PPP2R2B: variants seen among roughly 807,000 people sequenced by gnomAD.
PPP2R2B encodes the protein protein phosphatase 2 regulatory subunit Bbeta, also known as serine/threonine-protein phosphatase 2A 55 kDa regulatory subunit B beta isoform.
PPP2R2B carries 5 observed loss-of-function variants against 46.0 expected under a neutral mutation model. The ratio of observed to expected loss-of-function variants is 0.11; its 90% CI spans 0.06 to 0.23. The LOEUF is 0.23. PPP2R2B is among the 10% of genes least tolerant of loss of function. The pLI, the probability that PPP2R2B is intolerant of heterozygous loss-of-function variation, is 1.00. For synonymous variants in PPP2R2B, 215 were observed against 206.7 expected, an observed-to-expected ratio of 1.04 and a Z score of -0.34; for missense variants, 367 against 575.0, an observed-to-expected ratio of 0.64 and a Z score of 3.70.
chr5:146,649,348 C>T (rs1325464681), intron 6 of PPP2R2B, among the ~76,000 whole-genome samples: 1 of 151,774 alleles, frequency 6.6e-6, no homozygotes, highest in African/African-American at 2.4e-5. Flanking sequence ...CAATAAATGA[C>T]CAATTTTTAC....
chr5:146,949,818 C>A (rs1188429969), intron 1 of PPP2R2B, among the ~76,000 whole-genome samples: 2 of 152,024 alleles, frequency 1.3e-5, no homozygotes, highest in African/African-American at 2.4e-5. Context: ...CAATAAAATA[C>A]TATTCAGCCA....
intron 2 of PPP2R2B, chr5:146,856,537 CTTCA>C (rs1450954807): frequency 1.2e-6 from 2 of 1,612,342 alleles, no homozygotes; most frequent in Non-Finnish European, 1.7e-6. Flanking sequence ...ATAATTCATG[CTTCA>C]TTATTGGGCC....
chr5:146,592,942 A>G (rs753409434), intron 9 of PPP2R2B, 29 bp downstream of exon 9: 1 of 1,564,978 alleles, frequency 6.4e-7, no homozygotes. Context: ...AATCTTTGGA[A>G]GGTTCTTCAG....
Position 146,650,558 on chromosome 5 carries a change from T to C in PPP2R2B, c.614A>G (p.Asn205Ser), listed in dbSNP as rs746684718. The C allele has an allele frequency of 4.3e-6, 7 of 1,612,976 alleles. No homozygotes were observed. Among genetic ancestry groups the C allele is most frequent in the African/African-American group, 1.3e-5 (1 of 74,878 alleles). The change falls in exon 6 of 10, where the codon AAT (asparagine) becomes AGT (serine). Residue 205 changes from asparagine to serine, a missense_variant. Physicochemically the swap from Asn to Ser is conservative, Grantham distance 46 (BLOSUM62 1). Around this residue, in one of 2 missense-constraint regions of PPP2R2B, gnomAD observed 361 missense variants for 545.5 expected, o/e 0.66. Coordinates refer to ENST00000394411, the MANE Select transcript of PPP2R2B (RefSeq NM_181675.4). The part of the protein sequence containing the change: ...RINLWNFEIT[N>S]QSFNIVDIKP... Reference sequence around the variant, plus strand: ...CAAAGAAAGGATACTAAAACTTTGATTGGTTATTTCAAAGTTCCATAGGTT... The same window carrying C: ...CAAAGAAAGGATACTAAAACTTTGACTGGTTATTTCAAAGTTCCATAGGTT...
Position 146,587,327 on chromosome 5 carries a change from C to G in PPP2R2B, c.*2620G>C, listed in dbSNP as rs1031653343. 2.6e-5 allele frequency: 4 copies of G among 152,200 alleles called. No homozygotes were observed. Among genetic ancestry groups the G allele is most frequent in the Non-Finnish European group, 5.9e-5 (4 of 68,066 alleles). 9.4% of individuals were successfully genotyped at this position (152,200 alleles called of 1,614,324 possible). On this transcript the variant is annotated 3_prime_UTR_variant, in exon 10 of 10. Transcript: ENST00000394411. ...TAGGGCTTTCCCCTCCTGTTCCCGTCCAGGAGTCTTGGGTGTTTGCTCTAA... is the reference window on the plus strand; with the variant it reads ...TAGGGCTTTCCCCTCCTGTTCCCGTGCAGGAGTCTTGGGTGTTTGCTCTAA...
intron 2 of PPP2R2B, among the ~76,000 whole-genome samples, chr5:146,709,061 G>C (rs2151179060): frequency 6.6e-6 from 1 of 152,306 alleles, no homozygotes; most frequent in South Asian, 2.1e-4. Flanking sequence ...CGTTCTGTTT[G>C]ATCCAGAATT....
At chr5:147,055,114 A>G (rs945898255) in intron 1 of PPP2R2B, among the ~76,000 whole-genome samples, 1 of 152,238 alleles carries the variant, frequency 6.6e-6, no homozygotes, top group Admixed American at 6.5e-5. Flanking sequence ...GACCCCCAGA[A>G]ACCACATTTC....
chr5:146,696,471 GA>G lies in PPP2R2B; in HGVS notation c.334+1507del, dbSNP rs1267852422. Among the ~76,000 whole-genome samples, 3 of 152,284 alleles carry G rather than the reference GA, an allele frequency of 2.0e-5. No homozygotes were observed. The East Asian group carries it at 5.8e-4, about 29-fold the overall frequency. ...GAGAATATAAAGTGAGTTAGCTATAGAAGACAATCAGACATTTTTCCTCTGC... is the reference window on the plus strand; with the variant it reads ...GAGAATATAAAGTGAGTTAGCTATAGAGACAATCAGACATTTTTCCTCTGC... On this transcript the variant is annotated intron_variant, in intron 4 of 9. Coordinates refer to ENST00000394411, the MANE Select transcript of PPP2R2B (RefSeq NM_181675.4).
chr5:147,037,831 T>G (rs1056695791), intron 1 of PPP2R2B, among the ~76,000 whole-genome samples: 1 of 152,196 alleles, frequency 6.6e-6, no homozygotes, highest in African/African-American at 2.4e-5. Flanking sequence ...TTTATAAGAA[T>G]TAGAGTGATT....
At chr5:146,827,345 A>G (rs1582203317) in intron 2 of PPP2R2B, among the ~76,000 whole-genome samples, 1 of 152,228 alleles carries the variant, frequency 6.6e-6, no homozygotes, top group East Asian at 1.9e-4. Flanking sequence ...CTCAGCTACA[A>G]CAAAAAATGT....
chr5:146,592,161 G>T (rs759456131), intron 9 of PPP2R2B: 1 of 445,438 alleles, frequency 2.2e-6, no homozygotes, highest in South Asian at 1.6e-5. Context: ...AGTGTGACTT[G>T]GGTCCTTTGC....
intron 1 of PPP2R2B, among the ~76,000 whole-genome samples, chr5:146,986,263 C>A (rs1580756902): frequency 6.6e-6 from 1 of 152,146 alleles, no homozygotes; most frequent in Non-Finnish European, 1.5e-5. Flanking sequence ...AACTTAGTAC[C>A]AACTTGCCAC....
intron 2 of PPP2R2B, among the ~76,000 whole-genome samples, chr5:146,720,240 A>G (rs1294154341): frequency 3.3e-5 from 5 of 152,356 alleles, no homozygotes; most frequent in East Asian, 1.9e-4. Flanking sequence ...TATGGAATGA[A>G]AAAACAGTCA....
At chr5:146,731,521 G>A (rs1261777422) in intron 2 of PPP2R2B, among the ~76,000 whole-genome samples, 1 of 152,154 alleles carries the variant, frequency 6.6e-6, no homozygotes, top group African/African-American at 2.4e-5. Flanking sequence ...CATTTTCCGT[G>A]GCTTCCCGTA....
At position 146,817,033 on chromosome 5, in the gene PPP2R2B, G is replaced by T. The variant is rs1757968958; in HGVS notation, c.70+60969C>A. On this transcript the variant is annotated intron_variant, in intron 2 of 9. Coordinates refer to ENST00000394411, the MANE Select transcript of PPP2R2B (RefSeq NM_181675.4). Reference sequence around the variant, plus strand: ...AACCAAGACCCTGGAGGCTTGTTGTGATGAGCGTTGCTCTTGAGGGCTACT... The same window carrying T: ...AACCAAGACCCTGGAGGCTTGTTGTTATGAGCGTTGCTCTTGAGGGCTACT... Among the ~76,000 whole-genome samples, 3 of 152,206 alleles carry T rather than the reference G, an allele frequency of 2.0e-5. No homozygotes were observed. In the South Asian group the frequency reaches 6.2e-4, roughly 32 times the overall value.
chr5:146,729,496 G>A (rs962940661), intron 2 of PPP2R2B, among the ~76,000 whole-genome samples: 1 of 152,196 alleles, frequency 6.6e-6, no homozygotes, highest in Admixed American at 6.5e-5. Flanking sequence ...AGACCATGGG[G>A]AAAATGTCTC....
chr5:146,744,332 A>AGAAGCC (rs1156973088), intron 2 of PPP2R2B, among the ~76,000 whole-genome samples: 27 of 152,294 alleles, frequency 1.8e-4, no homozygotes, highest in Middle Eastern at 3.4e-3. Flanking sequence ...CCGCAGCCAA[A>AGAAGCC]GAAGCAATGA....
intron 2 of PPP2R2B, among the ~76,000 whole-genome samples, chr5:146,734,665 G>A (rs761124156): frequency 5.9e-5 from 9 of 152,146 alleles, no homozygotes; most frequent in Middle Eastern, 3.4e-3. Flanking sequence ...GTCTGTCCTC[G>A]TGAGACTGAG....
intron 1 of PPP2R2B, among the ~76,000 whole-genome samples, chr5:146,939,340 T>TA (rs1378254250): frequency 1.3e-5 from 2 of 152,212 alleles, no homozygotes; most frequent in Admixed American, 6.5e-5. Flanking sequence ...GATGTAATCT[T>TA]AGTCTGAGGC....
Sources: allele counts gnomAD v4.1 joint callset (sites outside exome capture counted in the v4.1 genomes callset), GRCh38; gene constraint gnomAD v4.1.1; regional missense constraint gnomAD v4.1.1; transcripts MANE v1.5; gene names NCBI Gene and HGNC (gene_info 2026-07-23, HGNC 2026-07-21).